NEB: variants seen among roughly 807,000 people sequenced by gnomAD.
The protein encoded by NEB is nebulin, also known as nemaline myopathy type 2.
In NEB, 512 loss-of-function variants were observed where a neutral mutation model predicts 952.2. That is an observed-to-expected ratio of 0.54 (90% confidence interval 0.50 to 0.58). The LOEUF (loss-of-function observed/expected upper bound fraction) is 0.58, where lower values mean the gene tolerates loss of function less well. NEB is among the 20% of genes least tolerant of loss of function. The probability of loss-of-function intolerance (pLI) is 0.00; values close to 1 mark genes in which losing one functional copy is unlikely to be tolerated. For missense variants in NEB, 8,428 were observed against 9,231.1 expected (o/e 0.91, Z 3.56); for synonymous variants, 2,900 against 3,149.8 (o/e 0.92, Z 2.66).
intron 51 of NEB, 47 bp downstream of exon 51, chr2:151,655,223 C>A: frequency 1.8e-6 from 2 of 1,084,924 alleles, no homozygotes; most frequent in South Asian, 1.5e-5. Context: ...TTTATAAGTT[C>A]ATAAGTTTCA....
In NEB at chr2:151,485,804, C is replaced by T. The variant is rs751394716; in HGVS notation, c.25534G>A (p.Gly8512Ser). Residue 8512 changes from glycine to serine, a missense_variant, in exon 182 of 182, where the codon GGC (glycine) becomes AGC (serine). This residue lies in a region of NEB where 3,374 missense variants were observed against 3,651.5 expected (regional missense o/e 0.92). Coordinates refer to ENST00000397345, the MANE Select transcript of NEB (RefSeq NM_001164508.2). ...GWMYGTVQRT[G>S]RTGMLPANYV... ...TTGGCTGGGAGCATTCCGGTCCTGC[C>T]AGTCCTCTGCACAGTGCCATACATC... 16 of 1,613,382 alleles carry T rather than the reference C, an allele frequency of 9.9e-6. No homozygotes were observed. In the East Asian group the frequency reaches 2.7e-4, roughly 27 times the overall value.
At chr2:151,726,985 G>T (rs1414733550) in intron 5 of NEB, among the ~76,000 whole-genome samples, 1 of 151,730 alleles carries the variant, frequency 6.6e-6, no homozygotes, top group African/African-American at 2.4e-5. Flanking sequence ...AGGGGTCTGG[G>T]GCTGAAGTGA....
chr2:151,525,047 T>G, intron 151 of NEB, 116 bp downstream of exon 151: 3 of 816,566 alleles, frequency 3.7e-6, no homozygotes, highest in Non-Finnish European at 6.1e-6. Context: ...CGCCACTAAC[T>G]TTTTGAAACT....
At chr2:151,578,770 T>TGAAG (rs1047213315) in intron 105 of NEB, among the ~76,000 whole-genome samples, 33 of 110,154 alleles carry the variant, frequency 3.0e-4, no homozygotes, top group African/African-American at 6.0e-4. Context: ...AAGGAAGGAA[T>TGAAG]GAAGGAAGGA....
intron 10 of NEB, among the ~76,000 whole-genome samples, chr2:151,711,206 C>G (rs980391295): frequency 1.1e-4 from 16 of 152,122 alleles, no homozygotes; most frequent in Non-Finnish European, 2.1e-4. Context: ...AATGTTTGTT[C>G]AACTACACTA....
At chr2:151,574,120 A>T (rs1159216622) in intron 107 of NEB, among the ~76,000 whole-genome samples, 1 of 152,060 alleles carries the variant, frequency 6.6e-6, no homozygotes, top group Non-Finnish European at 1.5e-5. Flanking sequence ...GACTACAGGC[A>T]CCCACCACCA....
At chr2:151,542,990 CTG>C (rs1465611134) in intron 135 of NEB, among the ~76,000 whole-genome samples, 3 of 152,300 alleles carry the variant, frequency 2.0e-5, no homozygotes, top group Admixed American at 6.5e-5. Flanking sequence ...CTTTCACAGA[CTG>C]TCTTTCCTGC....
rs2076777656 is a variant in NEB at position 151,514,946 on chromosome 2, G to A, written c.22906-18C>T. 6.8e-7 allele frequency: 1 copy of A among 1,461,770 alleles called. No homozygotes were observed. Among genetic ancestry groups the A allele is most frequent in the South Asian group, 1.3e-5 (1 of 79,550 alleles). The allele number at this position is 1,461,770 out of a possible 1,614,324, so 90.5% of individuals were successfully genotyped here. A position where few individuals can be genotyped will look rare whatever the true frequency, so the allele number is the denominator to read the frequency against. ...TATTCTTTCTAATGTAAGTAGGAAG[G>A]AAAGACAAGTTAAAAAAAAATCTTT... On this transcript the variant is annotated intron_variant, in intron 157 of 181. Coordinates refer to ENST00000397345, the MANE Select transcript of NEB (RefSeq NM_001164508.2).
intron 17 of NEB, 48 bp from the exon 18 acceptor site, chr2:151,695,730 A>G: frequency 1.4e-6 from 2 of 1,395,096 alleles, no homozygotes; most frequent in South Asian, 2.4e-5. Context: ...GTTCCAGAAT[A>G]CAAAAATTCT....
chr2:151,568,534 T>C lies in NEB; in HGVS notation c.17634+84A>G, dbSNP rs1577942794. Reference sequence around the variant, plus strand: ...TGATTAAAATCTGTATTTCAGATGATTGCATTCTGAGTGTAAGTAGATGGA... The same window carrying C: ...TGATTAAAATCTGTATTTCAGATGACTGCATTCTGAGTGTAAGTAGATGGA... On this transcript the variant is annotated intron_variant, in intron 111 of 181. Transcript: ENST00000397345. 1.3e-5 allele frequency: 18 copies of C among 1,420,736 alleles called. No homozygotes were observed. The Admixed American group carries it at 1.5e-4, about 12-fold the overall frequency. 88.0% of individuals were successfully genotyped at this position (1,420,736 alleles called of 1,614,324 possible). A position where few individuals can be genotyped will look rare whatever the true frequency, so the allele number is the denominator to read the frequency against.
chr2:151,511,912 A>G (rs1239772315), intron 161 of NEB, among the ~76,000 whole-genome samples: 1 of 151,830 alleles, frequency 6.6e-6, no homozygotes, highest in East Asian at 1.9e-4. Flanking sequence ...GAGATTTTAC[A>G]TGTTAAAATA....
intron 84 of NEB, among the ~76,000 whole-genome samples, chr2:151,605,271 G>A (rs2097652141): frequency 1.5e-5 from 2 of 130,768 alleles, no homozygotes; most frequent in Admixed American, 9.2e-5. Flanking sequence ...TCTCTATGAG[G>A]TAGATACTAT....
At position 151,724,274 on chromosome 2, in the gene NEB, C is replaced by T. The variant is rs116678485; in HGVS notation, c.598G>A (p.Ala200Thr). ...CAGACCCTTACCTTGCTGAACATGGCGGTGTTCTTAACGGCCTGGACAAGT... is the reference window on the plus strand; with the variant it reads ...CAGACCCTTACCTTGCTGAACATGGTGGTGTTCTTAACGGCCTGGACAAGT... ...PELVQAVKNTAMFSKKLYTED... is the reference protein window; with the variant it reads ...PELVQAVKNTTMFSKKLYTED... The change falls in exon 8 of 182, where the codon GCC becomes ACC. Residue 200 changes from alanine (A) to threonine (T), a missense_variant. Physicochemically the swap from Ala to Thr is moderately conservative, Grantham distance 58. Around this residue, in one of 11 missense-constraint regions of NEB, gnomAD observed 2,851 missense variants for 2,791.5 expected, o/e 1.02. Transcript: ENST00000397345. 8.2e-5 allele frequency: 132 copies of T among 1,612,378 alleles called. No individual in the cohort carries two copies. The highest frequency in any genetic ancestry group is 9.9e-5 in the Non-Finnish European group (117 of 1,179,116).
At chr2:151,501,915 A>G (rs750085420) in intron 167 of NEB, among the ~76,000 whole-genome samples, 2 of 152,262 alleles carry the variant, frequency 1.3e-5, no homozygotes, top group Non-Finnish European at 2.9e-5. Context: ...TTTCAATGAT[A>G]CTGAAAGTTT....
intron 168 of NEB, among the ~76,000 whole-genome samples, chr2:151,501,040 CT>C (rs1300401645): frequency 6.6e-6 from 1 of 152,172 alleles, no homozygotes; most frequent in African/African-American, 2.4e-5. Flanking sequence ...AGTCCAGTAT[CT>C]TTTCTTGCAT....
At chr2:151,527,115 A>T in intron 147 of NEB, 93 bp from the exon 148 acceptor site, 1 of 784,272 alleles carries the variant, frequency 1.3e-6, no homozygotes, top group South Asian at 1.7e-5. Flanking sequence ...CCTCTTAAGG[A>T]GAGGACAAAG....
At chr2:151,574,233 CAAA>C (rs1441755435) in intron 107 of NEB, among the ~76,000 whole-genome samples, 1 of 152,200 alleles carries the variant, frequency 6.6e-6, no homozygotes, top group East Asian at 1.9e-4. Context: ...CTTGGCCTCC[CAAA>C]GTGCTGGGAT....
rs1402564876 is a variant in NEB at position 151,696,697 on chromosome 2, G to A, written c.1509C>T (p.Thr503=). ...YKVHPDKTKF[T]QVTDSPVLLQ... ...GCAGAACAGGAGAGTCTGTAACTTG[G>A]GTGAATTTTGTCTTATCTGGATGGA... Residue 503 remains threonine, a synonymous_variant, in exon 17 of 182, where the codon ACC becomes ACT. Coordinates refer to ENST00000397345, the MANE Select transcript of NEB (RefSeq NM_001164508.2). 2 of 1,613,696 alleles carry A rather than the reference G, an allele frequency of 1.2e-6. No individual in the cohort carries two copies. Among genetic ancestry groups the A allele is most frequent in the Non-Finnish European group, 1.7e-6 (2 of 1,179,810 alleles).
intron 147 of NEB, 44 bp from the exon 148 acceptor site, chr2:151,527,066 C>T: frequency 7.6e-7 from 1 of 1,310,986 alleles, no homozygotes; most frequent in African/African-American, 1.5e-5. Flanking sequence ...GGTGACAGCA[C>T]AGGAGGAAGC....
Sources: allele counts gnomAD v4.1 joint callset (sites outside exome capture counted in the v4.1 genomes callset), GRCh38; gene constraint gnomAD v4.1.1; regional missense constraint gnomAD v4.1.1; transcripts MANE v1.5; gene names NCBI Gene and HGNC (gene_info 2026-07-23, HGNC 2026-07-21).